ASS1: variants seen among roughly 807,000 people sequenced by gnomAD.
ASS1 encodes the protein argininosuccinate synthase.
ASS1 carries 58 observed loss-of-function variants against 60.5 expected under a neutral mutation model. The observed-to-expected ratio is 0.96, with a 90% CI of 0.78 to 1.19. The LOEUF (loss-of-function observed/expected upper bound fraction) is 1.19. ASS1 is among the 50% of genes most tolerant of loss of function. ASS1 has a pLI of 0.00. For missense variants in ASS1, 454 were observed against 547.3 expected, an observed-to-expected ratio of 0.83 and a Z score of 1.70; for synonymous variants, 200 against 206.9, an observed-to-expected ratio of 0.97 and a Z score of 0.29.
chr9:130,486,106 A>G (rs1477860459), intron 11 of ASS1, among the ~76,000 whole-genome samples: 2 of 151,926 alleles, frequency 1.3e-5, no homozygotes, highest in South Asian at 2.1e-4. Context: ...CCCACCTAGC[A>G]TACACCACCA....
chr9:130,461,078 C>T (rs557600564), intron 4 of ASS1, among the ~76,000 whole-genome samples: 29 of 152,248 alleles, frequency 1.9e-4, no homozygotes, highest in Admixed American at 1.7e-3. Flanking sequence ...TCGTGAGCTT[C>T]CTATCCCAGA....
intron 13 of ASS1, among the ~76,000 whole-genome samples, 171 bp from the exon 14 acceptor site, chr9:130,499,334 C>T (rs1337472811): frequency 6.6e-6 from 1 of 152,216 alleles, no homozygotes; most frequent in Non-Finnish European, 1.5e-5. Context: ...AACAGGGTTC[C>T]CTGAGTTGTA....
chr9:130,495,470 TATACACAC>T (rs951463627), intron 13 of ASS1, among the ~76,000 whole-genome samples: 13 of 130,512 alleles, frequency 1.0e-4, no homozygotes, highest in Admixed American at 7.1e-4. Context: ...TACACATACA[TATACACAC>T]ACACACACAC....
intron 1 of ASS1, chr9:130,451,933 C>T (rs561348827): frequency 1.6e-5 from 9 of 580,632 alleles, no homozygotes; most frequent in East Asian, 1.2e-4. Flanking sequence ...CGCCTTCCCT[C>T]GATGCTGGAG....
At chr9:130,479,117 C>A (rs1846097918) in intron 9 of ASS1, among the ~76,000 whole-genome samples, 1 of 152,322 alleles carries the variant, frequency 6.6e-6, no homozygotes, top group South Asian at 2.1e-4. Flanking sequence ...CACCCAACCC[C>A]TTCCCTCCTG....
rs138587605 is a variant in ASS1, at chr9:130,496,008, A to G, written c.1127+985A>G. ...AAAACTAACTGGAAGGCCGCCGGAC[A>G]CTTGGGTCTAGAGTTGAGGAGAACC... On this transcript the variant is annotated intron_variant, in intron 13 of 14. Coordinates refer to ENST00000352480, the MANE Select transcript of ASS1 (RefSeq NM_054012.4). Among the ~76,000 whole-genome samples the G allele has an allele frequency of 6.9e-4, 105 of 152,294 alleles. No homozygotes were observed. The East Asian group carries it at 0.02, about 29-fold the overall frequency.
At chr9:130,452,445 C>A in intron 2 of ASS1, 112 bp downstream of exon 2, 1 of 911,310 alleles carries the variant, frequency 1.1e-6, no homozygotes, top group South Asian at 1.4e-5. Flanking sequence ...GTCACTCATT[C>A]AAGCCTGGCC....
intron 1 of ASS1, among the ~76,000 whole-genome samples, chr9:130,448,459 C>T (rs927790348): frequency 6.6e-6 from 1 of 151,902 alleles, no homozygotes; most frequent in African/African-American, 2.4e-5. Context: ...CTCAGGTACA[C>T]ACGCCAGGTC....
chr9:130,448,422 G>GCGCGCACACACACACACACACACACA (rs71387350), intron 1 of ASS1, among the ~76,000 whole-genome samples: 1 of 143,296 alleles, frequency 7.0e-6, no homozygotes, highest in African/African-American at 2.8e-5. Context: ...GTGTGCGCGC[G>GCGCGCACACACACACACACACACACA]CACACACACA....
chr9:130,498,089 A>G (rs1846648867), intron 13 of ASS1, among the ~76,000 whole-genome samples: 1 of 152,180 alleles, frequency 6.6e-6, no homozygotes, highest in Non-Finnish European at 1.5e-5. Context: ...CACCGGCTTC[A>G]AGGCCTGGTG....
chr9:130,466,422 A>C, intron 5 of ASS1: 1 of 479,114 alleles, frequency 2.1e-6, no homozygotes. Context: ...AACCCCGTCT[A>C]GTTCAAACTC....
At chr9:130,487,985 C>T (rs927060491) in intron 11 of ASS1, among the ~76,000 whole-genome samples, 2 of 152,024 alleles carry the variant, frequency 1.3e-5, no homozygotes, top group African/African-American at 2.4e-5. Flanking sequence ...GAACTCCTGA[C>T]CTGAGGTGAT....
chr9:130,463,909 A>T (rs999933150), intron 4 of ASS1, among the ~76,000 whole-genome samples: 12 of 151,808 alleles, frequency 7.9e-5, no homozygotes, highest in Admixed American at 7.2e-4. Flanking sequence ...GCCCTCTCCT[A>T]TACTCTGCCA....
Position 130,477,025 on chromosome 9 carries a change from C to G in ASS1, c.688+64C>G. The G allele has an allele frequency of 2.6e-6, 4 of 1,521,898 alleles. No individual in the cohort carries two copies. Among genetic ancestry groups the G allele is most frequent in the Non-Finnish European group, 3.6e-6 (4 of 1,097,550 alleles). The allele number at this position is 1,521,898 out of a possible 1,614,324, so 94.3% of individuals were successfully genotyped here. A position where few individuals can be genotyped will look rare whatever the true frequency, so the allele number is the denominator to read the frequency against. On this transcript the variant is annotated intron_variant, in intron 9 of 14. Coordinates refer to ENST00000352480, the MANE Select transcript of ASS1 (RefSeq NM_054012.4). This position sits in a 1 kb window ranked among gnomAD's most constrained non-coding sequence, Gnocchi z 4.2. ...TTTGGGGCCCTGGCTCCTTTCCCCT[C>G]CCTGCCTGGGAACCTAGGCCCTCTT...
intron 1 of ASS1, chr9:130,450,128 G>T: frequency 3.7e-6 from 1 of 266,784 alleles, no homozygotes; most frequent in Non-Finnish European, 5.8e-6. Context: ...GAGGCAGGAG[G>T]CAGGACAGGT....
chr9:130,445,093 G>A (rs1845163554), intron 1 of ASS1, 98 bp downstream of exon 1: 2 of 955,950 alleles, frequency 2.1e-6, no homozygotes, highest in African/African-American at 1.8e-5. Context: ...CCGCCCCGGG[G>A]CCCGCGGAGG....
chr9:130,450,614 G>A (rs1052560681), intron 1 of ASS1, among the ~76,000 whole-genome samples: 1 of 152,224 alleles, frequency 6.6e-6, no homozygotes, highest in Non-Finnish European at 1.5e-5. Context: ...CGGCTGACTG[G>A]CAGGTGGGAC....
intron 4 of ASS1, among the ~76,000 whole-genome samples, chr9:130,462,070 C>T (rs913872840): frequency 6.6e-6 from 1 of 152,214 alleles, no homozygotes; most frequent in African/African-American, 2.4e-5. Flanking sequence ...ACTCTCCCCT[C>T]CCATGCCCTG....
Position 130,478,178 on chromosome 9 carries a change from T to A in ASS1, c.688+1217T>A, listed in dbSNP as rs1846070777. Among the ~76,000 whole-genome samples, 1 of 152,206 alleles carries A rather than the reference T, an allele frequency of 6.6e-6. No individual in the cohort carries two copies. Among genetic ancestry groups the A allele is most frequent in the African/African-American group, 2.4e-5 (1 of 41,464 alleles). ...TTGGCCAAGCCAGCGACTGTCTTCC[T>A]TGCTCCCCTTCATCTGTCCCAACCT... On this transcript the variant is annotated intron_variant, in intron 9 of 14. Coordinates refer to ENST00000352480, the MANE Select transcript of ASS1 (RefSeq NM_054012.4). The surrounding 1 kb of genome is among the most constrained non-coding windows in gnomAD (Gnocchi z 4.7).
Sources: gnomAD v4.1 joint callset for allele counts (sites outside exome capture counted in the v4.1 genomes callset) on GRCh38, gnomAD v4.1.1 for gene constraint, Gnocchi (gnomAD v3.1) non-coding constraint, MANE v1.5 for transcripts, NCBI Gene and HGNC (gene_info 2026-07-23, HGNC 2026-07-21) for gene names.